The following MECOM variants were observed in gnomAD, a reference collection of about 807,000 sequenced individuals.
MECOM encodes MDS1 and EVI1 complex locus, also known as histone-lysine N-methyltransferase MECOM.
MECOM carries 13 observed loss-of-function variants against 116.3 expected under a neutral mutation model. That is an observed-to-expected ratio of 0.11 (90% confidence interval 0.07 to 0.18). The LOEUF is 0.18. MECOM is among the 10% of genes least tolerant of loss of function. The probability of loss-of-function intolerance (pLI) is 1.00; values close to 1 mark genes in which losing one functional copy is unlikely to be tolerated. For synonymous variants in MECOM, 528 were observed against 535.2 expected (o/e 0.99, Z 0.19); for missense variants, 1,299 against 1,509.0 (o/e 0.86, Z 2.31).
chr3:169,147,697 T>C (rs1484522582), intron 2 of MECOM: 12 of 984,834 alleles, frequency 1.2e-5, no homozygotes, highest in African/African-American at 5.3e-5. Context: ...CGTTTCGATG[T>C]CTTGAAAGCA....
intron 2 of MECOM, among the ~76,000 whole-genome samples, chr3:169,199,397 C>CTTCTTTTCTTTTGTTTTCT (rs1215771673): frequency 6.6e-6 from 1 of 152,054 alleles, no homozygotes; most frequent in Admixed American, 6.6e-5. Context: ...AACATGTTAA[C>CTTCTTTTCTTTTGTTTTCT]TTCTTTTCTT....
chr3:169,392,367 G>A (rs958817937), intron 1 of MECOM, among the ~76,000 whole-genome samples: 1 of 152,150 alleles, frequency 6.6e-6, no homozygotes. Context: ...GAAATTTTGT[G>A]GATAGACTAG....
chr3:169,372,711 T>C (rs1447443733), intron 2 of MECOM, among the ~76,000 whole-genome samples: 1 of 152,050 alleles, frequency 6.6e-6, no homozygotes, highest in Non-Finnish European at 1.5e-5. Context: ...CTTGTTAACA[T>C]TTATTGGGTT....
intron 1 of MECOM, among the ~76,000 whole-genome samples, chr3:169,396,534 A>C (rs2108367310): frequency 6.6e-6 from 1 of 152,354 alleles, no homozygotes; most frequent in Non-Finnish European, 1.5e-5. Flanking sequence ...ATGTTAAATA[A>C]AACATATTAG....
chr3:169,221,339 A>G (rs1048804071), intron 2 of MECOM, among the ~76,000 whole-genome samples: 5 of 152,218 alleles, frequency 3.3e-5, no homozygotes, highest in African/African-American at 1.2e-4. Context: ...TTATTTTTAA[A>G]TACTTCGGTA....
chr3:169,617,056 T>C (rs1190751940), intron 1 of MECOM, among the ~76,000 whole-genome samples: 1 of 152,214 alleles, frequency 6.6e-6, no homozygotes, highest in Non-Finnish European at 1.5e-5. Flanking sequence ...TTTCATTGTA[T>C]TTTCTTCGCC....
chr3:169,480,324 G>C (rs1400463448), intron 1 of MECOM, among the ~76,000 whole-genome samples: 2 of 151,736 alleles, frequency 1.3e-5, no homozygotes, highest in African/African-American at 4.8e-5. Flanking sequence ...TGCAATCTGA[G>C]TTCTTCAAGT....
intron 10 of MECOM, among the ~76,000 whole-genome samples, chr3:169,102,525 G>A (rs1009918897): frequency 1.3e-4 from 20 of 152,230 alleles, no homozygotes; most frequent in African/African-American, 4.8e-4. Context: ...AGCCAATAAA[G>A]CCAAGTTAAC....
At chr3:169,293,432 A>G (rs1326033122) in intron 2 of MECOM, among the ~76,000 whole-genome samples, 1 of 152,112 alleles carries the variant, frequency 6.6e-6, no homozygotes, top group African/African-American at 2.4e-5. Context: ...TGAAACATCA[A>G]GTTGGTTTCT....
At chr3:169,367,489 C>A (rs2188132) in intron 2 of MECOM, among the ~76,000 whole-genome samples, 63,745 of 151,530 alleles carry the variant, frequency 0.42, 14,964 homozygotes, top group East Asian at 0.62. Flanking sequence ...CAGTACTGGT[C>A]GATTCCAAAA....
intron 1 of MECOM, among the ~76,000 whole-genome samples, chr3:169,482,882 G>A (rs559482892): frequency 6.6e-6 from 1 of 152,280 alleles, no homozygotes; most frequent in East Asian, 1.9e-4. Context: ...GCAGGGACTT[G>A]CCAATATTTC....
rs2148800832 is a variant in MECOM at position 169,083,803 on chromosome 3, T to C, written c.*1106A>G. 1 of 212,106 alleles carries C rather than the reference T, an allele frequency of 4.7e-6. No individual in the cohort carries two copies. Among genetic ancestry groups the C allele is most frequent in the South Asian group, 1.9e-4 (1 of 5,346 alleles). The allele number at this position is 212,106 out of a possible 1,614,324, so 13.1% of individuals were successfully genotyped here. A position where few individuals can be genotyped will look rare whatever the true frequency, so the allele number is the denominator to read the frequency against. On this transcript the variant is annotated 3_prime_UTR_variant, in exon 17 of 17. Coordinates refer to ENST00000651503, the MANE Select transcript of MECOM (RefSeq NM_004991.4). ...GCTTGCAGACAACCAGCATAAAATA[T>C]GGAGTACAGTTTTTAATCAGAAGAA...
intron 1 of MECOM, among the ~76,000 whole-genome samples, chr3:169,654,825 C>CACAA (rs963462486): frequency 1.1e-4 from 16 of 151,322 alleles, no homozygotes; most frequent in African/African-American, 3.7e-4. Flanking sequence ...CACACACACA[C>CACAA]ACACACACAC....
intron 1 of MECOM, among the ~76,000 whole-genome samples, chr3:169,602,443 C>T (rs1292641817): frequency 6.6e-6 from 1 of 152,160 alleles, no homozygotes; most frequent in African/African-American, 2.4e-5. Context: ...CTCCTTTATC[C>T]ACCAATATCA....
chr3:169,193,535 A>G (rs79340615), intron 2 of MECOM, among the ~76,000 whole-genome samples: 2,569 of 152,070 alleles, frequency 0.017, 39 homozygotes, highest in Non-Finnish European at 0.021. Context: ...TTATTAGCCT[A>G]AAGACGTTTT....
At chr3:169,604,576 G>A (rs1768269266) in intron 1 of MECOM, among the ~76,000 whole-genome samples, 1 of 152,226 alleles carries the variant, frequency 6.6e-6, no homozygotes, top group Non-Finnish European at 1.5e-5. Flanking sequence ...CATGGGGTCA[G>A]ACAGCTGAAG....
intron 1 of MECOM, among the ~76,000 whole-genome samples, chr3:169,523,889 A>T (rs13095661): frequency 9.1e-6 from 1 of 109,838 alleles, no homozygotes; most frequent in South Asian, 2.4e-4. Context: ...ACATATATAC[A>T]CATATACATA....
chr3:169,511,458 C>T (rs1755942128), intron 1 of MECOM, among the ~76,000 whole-genome samples: 1 of 152,194 alleles, frequency 6.6e-6, no homozygotes, highest in Admixed American at 6.5e-5. Context: ...GGAAATTAAA[C>T]CTTTTTTAAA....
chr3:169,393,776 ATCT>A (rs1019677615), intron 1 of MECOM, among the ~76,000 whole-genome samples: 1 of 152,122 alleles, frequency 6.6e-6, no homozygotes, highest in African/African-American at 2.4e-5. Flanking sequence ...GTTACATAAA[ATCT>A]TCTGGCATCA....
Sources: allele counts gnomAD v4.1 joint callset (sites outside exome capture counted in the v4.1 genomes callset), GRCh38; gene constraint gnomAD v4.1.1; transcripts MANE v1.5; gene names NCBI Gene and HGNC (gene_info 2026-07-23, HGNC 2026-07-21).